The following SELENOF variants were observed in gnomAD, a reference collection of about 807,000 sequenced individuals.
The protein encoded by SELENOF is 15 kDa selenoprotein.
SELENOF carries 16 observed loss-of-function variants against 20.5 expected under a neutral mutation model. The observed-to-expected ratio is 0.78, with a 90% CI of 0.53 to 1.19. The LOEUF is 1.19. Ranked by LOEUF, SELENOF falls within the 50% of genes most tolerant of loss-of-function variation. SELENOF has a pLI of 0.00. For missense variants in SELENOF, 215 were observed against 194.2 expected, an observed-to-expected ratio of 1.11 and a Z score of -0.64; for synonymous variants, 78 against 74.5, an observed-to-expected ratio of 1.05 and a Z score of -0.24.
intron 2 of SELENOF, among the ~76,000 whole-genome samples, chr1:86,901,610 A>G (rs778259279): frequency 6.6e-6 from 1 of 152,218 alleles, no homozygotes. Context: ...TTAGCTGGGC[A>G]TATATTAATT....
At chr1:86,902,043 C>T (rs1177840979) in intron 2 of SELENOF, among the ~76,000 whole-genome samples, 3 of 152,148 alleles carry the variant, frequency 2.0e-5, no homozygotes, top group Non-Finnish European at 2.9e-5. Flanking sequence ...ATGGCTCATA[C>T]AGATTTATTC....
Position 86,903,448 on chromosome 1 carries a change from C to T in SELENOF, c.85G>A (p.Val29Met). ...RLLLATVLQA[V>M]SAFGAEFSSE... ...GAAAACTCTGCCCCAAAAGCAGACACCTGAAAATAAAAAATGGGAAATAAA... is the reference window on the plus strand; with the variant it reads ...GAAAACTCTGCCCCAAAAGCAGACATCTGAAAATAAAAAATGGGAAATAAA... The change falls in exon 2 of 5, where the codon GTG becomes ATG. Residue 29 changes from valine (V) to methionine (M), a missense_variant and splice_region_variant. Coordinates refer to ENST00000331835, the MANE Select transcript of SELENOF (RefSeq NM_004261.5). 6.3e-7 allele frequency: 1 copy of T among 1,588,440 alleles called. No individual in the cohort carries two copies. The highest frequency in any genetic ancestry group is 8.5e-7 in the Non-Finnish European group (1 of 1,169,780).
chr1:86,893,866 TG>T (rs1659452593), intron 2 of SELENOF, among the ~76,000 whole-genome samples: 1 of 152,028 alleles, frequency 6.6e-6, no homozygotes, highest in Admixed American at 6.6e-5. Context: ...GAAATGGGAG[TG>T]GGAAGTGGAG....
chr1:86,892,792 C>A (rs964234011), intron 2 of SELENOF, among the ~76,000 whole-genome samples: 1 of 152,032 alleles, frequency 6.6e-6, no homozygotes, highest in African/African-American at 2.4e-5. Context: ...GTGACAGGAG[C>A]CATTAAAGTC....
chr1:86,896,025 T>TTG (rs1476629554), intron 2 of SELENOF, among the ~76,000 whole-genome samples: 1 of 152,076 alleles, frequency 6.6e-6, no homozygotes, highest in Non-Finnish European at 1.5e-5. Context: ...GTCAGTAGTT[T>TTG]GAGACCAGCC....
rs1488307339 is a variant in SELENOF, at chr1:86,899,327, G to A, written c.252+3954C>T. On this transcript the variant is annotated intron_variant, in intron 2 of 4. Transcript: ENST00000331835. ...ATACCTCCCAGATGGGGTGGTGGCC[G>A]GGCAGAGGGGCTCCTCACTTCCCAG... Among the ~76,000 whole-genome samples, 3 of 139,400 alleles carry A rather than the reference G, an allele frequency of 2.2e-5. 1 individual carries two copies. The highest frequency in any genetic ancestry group is 5.7e-5 in the African/African-American group (2 of 35,128). The allele number at this position is 139,400 out of a possible 152,430, so 91.5% of individuals were successfully genotyped here.
At chr1:86,884,263 T>C (rs997333630) in intron 2 of SELENOF, among the ~76,000 whole-genome samples, 9 of 151,648 alleles carry the variant, frequency 5.9e-5, no homozygotes, top group Admixed American at 2.0e-4. Flanking sequence ...CAAAAGAAAA[T>C]GGATGGAACT....
chr1:86,892,855 G>A (rs181102334), intron 2 of SELENOF, among the ~76,000 whole-genome samples: 295 of 152,268 alleles, frequency 1.9e-3, no homozygotes, highest in African/African-American at 6.4e-3. Flanking sequence ...AACTAGTAAC[G>A]AAATTCTATT....
chr1:86,867,486 CG>C (rs1658631651), intron 4 of SELENOF, among the ~76,000 whole-genome samples: 1 of 141,856 alleles, frequency 7.0e-6, no homozygotes, highest in Non-Finnish European at 1.5e-5. Flanking sequence ...AGCAAGACTC[CG>C]TCTCAACAAC....
Position 86,903,387 on chromosome 1 carries a change from T to C in SELENOF, c.146A>G (p.Asn49Ser). 6.2e-7 allele frequency: 1 copy of C among 1,612,108 alleles called. No homozygotes were observed. Among genetic ancestry groups the C allele is most frequent in the East Asian group, 2.2e-5 (1 of 44,858 alleles). ...EACRELGFSSNLLCSSCDLLG... is the reference protein window; with the variant it reads ...EACRELGFSSSLLCSSCDLLG... ...AAGATCACAAGAGCTGCAAAGCAAG[T>C]TGCTAGAAAAGCCTAACTCTCTGCA... The change falls in exon 2 of 5, where the codon AAC (asparagine) becomes AGC (serine). Residue 49 changes from asparagine to serine, a missense_variant. Asn to Ser is a conservative substitution (Grantham distance 46). Transcript: ENST00000331835.
chr1:86,872,536 T>C (rs1294136983), intron 3 of SELENOF, among the ~76,000 whole-genome samples: 1 of 139,422 alleles, frequency 7.2e-6, no homozygotes, highest in Non-Finnish European at 1.5e-5. Context: ...GCCCAGCTAA[T>C]GTTTTTTTTT....
chr1:86,913,730 T>G (rs1660053187), intron 1 of SELENOF: 1 of 344,126 alleles, frequency 2.9e-6, no homozygotes, highest in Admixed American at 4.0e-5. Context: ...CTTGCCAAGC[T>G]TTATTATTCC....
At chr1:86,864,186 A>G (rs921804646) in intron 4 of SELENOF, among the ~76,000 whole-genome samples, 1 of 152,240 alleles carries the variant, frequency 6.6e-6, no homozygotes, top group African/African-American at 2.4e-5. Context: ...AGAATCAATC[A>G]CATACTGGAT....
chr1:86,888,556 G>T (rs1306680278), intron 2 of SELENOF, among the ~76,000 whole-genome samples: 1 of 152,148 alleles, frequency 6.6e-6, no homozygotes, highest in Non-Finnish European at 1.5e-5. Context: ...TTACAGGTGT[G>T]AGCCACCGTG....
At chr1:86,879,765 C>G (rs1286520380) in intron 3 of SELENOF, among the ~76,000 whole-genome samples, 1 of 152,170 alleles carries the variant, frequency 6.6e-6, no homozygotes, top group Non-Finnish European at 1.5e-5. Flanking sequence ...TTAGTTCAAG[C>G]CTTTCTTGGC....
At chr1:86,888,177 T>C (rs995106779) in intron 2 of SELENOF, among the ~76,000 whole-genome samples, 2 of 151,812 alleles carry the variant, frequency 1.3e-5, no homozygotes, top group African/African-American at 4.8e-5. Flanking sequence ...GGAGAATCAC[T>C]TGGACCTGGG....
At chr1:86,875,097 T>A (rs187029216) in intron 3 of SELENOF, among the ~76,000 whole-genome samples, 1 of 152,068 alleles carries the variant, frequency 6.6e-6, no homozygotes, top group Non-Finnish European at 1.5e-5. Flanking sequence ...AAAAGTTAGC[T>A]GGGTGTGGTG....
At chr1:86,889,964 T>C (rs1659335084) in intron 2 of SELENOF, among the ~76,000 whole-genome samples, 1 of 152,248 alleles carries the variant, frequency 6.6e-6, no homozygotes, top group South Asian at 2.1e-4. Flanking sequence ...CCCTCCGCCT[T>C]ATCAACTATT....
At chr1:86,882,513 G>T (rs1325319033) in intron 2 of SELENOF, among the ~76,000 whole-genome samples, 1 of 148,776 alleles carries the variant, frequency 6.7e-6, no homozygotes, top group Admixed American at 6.7e-5. Flanking sequence ...AAAAAAAAGA[G>T]ATGAGGATGT....
Sources: gnomAD v4.1 joint callset for allele counts (sites outside exome capture counted in the v4.1 genomes callset) on GRCh38, gnomAD v4.1.1 for gene constraint, MANE v1.5 for transcripts, NCBI Gene and HGNC (gene_info 2026-07-23, HGNC 2026-07-21) for gene names.